Variants in VPS13B observed in about 807,000 individuals in gnomAD.
VPS13B encodes intermembrane lipid transfer protein VPS13B.
In VPS13B, 285 loss-of-function variants were observed where a neutral mutation model predicts 426.4. That is an observed-to-expected ratio of 0.67 (90% CI 0.61 to 0.74). The LOEUF is 0.74. Among genes scored for constraint, VPS13B ranks in the 30% least tolerant of loss-of-function variants. VPS13B has a pLI of 0.00. For missense variants in VPS13B, 4,537 were observed against 4,782.6 expected, an observed-to-expected ratio of 0.95 and a Z score of 1.51; for synonymous variants, 1,676 against 1,676.4, an observed-to-expected ratio of 1.00 and a Z score of 0.01.
At chr8:99,163,767 C>T (rs900391115) in intron 15 of VPS13B, among the ~76,000 whole-genome samples, 7 of 144,786 alleles carry the variant, frequency 4.8e-5, no homozygotes, top group Admixed American at 1.5e-4. Flanking sequence ...CCCCGGTTCC[C>T]GCTCGCGCCT....
At chr8:99,428,741 G>T (rs1340594060) in intron 21 of VPS13B, among the ~76,000 whole-genome samples, 2 of 152,166 alleles carry the variant, frequency 1.3e-5, no homozygotes, top group Non-Finnish European at 2.9e-5. Context: ...CAGGGATCAA[G>T]AACTAGAAAT....
chr8:99,246,019 T>A (rs1041934096), intron 17 of VPS13B, among the ~76,000 whole-genome samples: 1 of 152,246 alleles, frequency 6.6e-6, no homozygotes, highest in African/African-American at 2.4e-5. Context: ...TATTTTACTG[T>A]TTTTTGTTTT....
intron 31 of VPS13B, among the ~76,000 whole-genome samples, chr8:99,557,330 A>C (rs1824639164): frequency 6.6e-6 from 1 of 150,780 alleles, no homozygotes; most frequent in African/African-American, 2.4e-5. Flanking sequence ...AAAGTCCATT[A>C]TATCATTCTT....
chr8:99,727,749 G>T (rs1032782388), intron 39 of VPS13B, among the ~76,000 whole-genome samples: 9 of 152,162 alleles, frequency 5.9e-5, no homozygotes, highest in African/African-American at 1.9e-4. Context: ...GAGCCAAACA[G>T]TATCAGGTTT....
intron 17 of VPS13B, among the ~76,000 whole-genome samples, chr8:99,269,452 A>C (rs2132977631): frequency 6.6e-6 from 1 of 152,278 alleles, no homozygotes; most frequent in South Asian, 2.1e-4. Flanking sequence ...CTTTCTTTAC[A>C]TCCTACAAAA....
chr8:99,341,486 A>G, intron 19 of VPS13B: 1 of 154,896 alleles, frequency 6.5e-6, no homozygotes. Flanking sequence ...TGCTTATTGA[A>G]TTTTCAGCAT....
chr8:99,491,532 CTA>C (rs1410295313), intron 25 of VPS13B, among the ~76,000 whole-genome samples: 1 of 152,156 alleles, frequency 6.6e-6, no homozygotes, highest in East Asian at 1.9e-4. Context: ...TCACATAGTC[CTA>C]TATTTCTTGG....
At chr8:99,663,671 CTG>C (rs1478920555) in intron 35 of VPS13B, among the ~76,000 whole-genome samples, 8 of 152,138 alleles carry the variant, frequency 5.3e-5, no homozygotes, top group Non-Finnish European at 8.8e-5. Context: ...ACATGAAAGA[CTG>C]AACACAATAG....
intron 16 of VPS13B, among the ~76,000 whole-genome samples, chr8:99,173,338 A>G (rs920406653): frequency 6.6e-6 from 1 of 152,156 alleles, no homozygotes; most frequent in African/African-American, 2.4e-5. Context: ...CATTTGCCCC[A>G]GCTCAGAGTG....
At chr8:99,564,413 G>A (rs7832109) in intron 31 of VPS13B, among the ~76,000 whole-genome samples, 26,502 of 152,142 alleles carry the variant, frequency 0.17, 2,827 homozygotes, top group East Asian at 0.38. Context: ...GAAACATCCG[G>A]CAGCACATCC....
At chr8:99,865,075 G>A (rs1008000753) in intron 58 of VPS13B, among the ~76,000 whole-genome samples, 2 of 152,114 alleles carry the variant, frequency 1.3e-5, no homozygotes, top group African/African-American at 4.8e-5. Flanking sequence ...AGGTCAGCAG[G>A]GAAAAGTGTC....
At position 99,589,474 on chromosome 8, in the gene VPS13B, C is replaced by T. The variant is rs1021604006; in HGVS notation, c.5220+11841C>T. On this transcript the variant is annotated intron_variant, in intron 33 of 61. Transcript: ENST00000357162. ...TGCGGTGTTTGGTTTTTTGTCCTTG[C>T]GATAGTTTTCTGAGAATGATGGTTT... is the stretch of plus-strand genomic sequence containing the variant. 5.9e-5 allele frequency among the ~76,000 whole-genome samples: 9 copies of T among 151,634 alleles called. No homozygotes were observed. The East Asian group carries it at 1.2e-3, about 20-fold the overall frequency.
chr8:99,268,813 G>A (rs1355500799), intron 17 of VPS13B, among the ~76,000 whole-genome samples: 1 of 152,102 alleles, frequency 6.6e-6, no homozygotes, highest in Admixed American at 6.6e-5. Context: ...GGCCAGGGTA[G>A]AAGGATATGG....
chr8:99,540,378 C>T (rs995309656), intron 30 of VPS13B, among the ~76,000 whole-genome samples: 1 of 151,710 alleles, frequency 6.6e-6, no homozygotes, highest in African/African-American at 2.4e-5. Context: ...CTGCGCCCGG[C>T]CTAAGCATTT....
chr8:99,578,276 T>G (rs187394328), intron 33 of VPS13B, among the ~76,000 whole-genome samples: 11 of 152,226 alleles, frequency 7.2e-5, no homozygotes, highest in Admixed American at 2.6e-4. Context: ...TTATAAAAAC[T>G]CAGGTGAACA....
At chr8:99,298,366 T>A (rs1820160419) in intron 19 of VPS13B, among the ~76,000 whole-genome samples, 1 of 152,076 alleles carries the variant, frequency 6.6e-6, no homozygotes. Context: ...CACATGCCTG[T>A]AATCCCAGCT....
At chr8:99,269,347 A>AT (rs1818458747) in intron 17 of VPS13B, among the ~76,000 whole-genome samples, 1 of 152,206 alleles carries the variant, frequency 6.6e-6, no homozygotes, top group Admixed American at 6.5e-5. Context: ...TGACAACAGG[A>AT]TTTGAGTAAA....
chr8:99,143,689 A>G (rs1456253442), intron 13 of VPS13B, among the ~76,000 whole-genome samples: 1 of 152,196 alleles, frequency 6.6e-6, no homozygotes, highest in Non-Finnish European at 1.5e-5. Context: ...AGTATAAGAT[A>G]ATGAAGAACT....
chr8:99,507,978 G>A, intron 28 of VPS13B: 2 of 1,602,810 alleles, frequency 1.2e-6, no homozygotes, highest in Non-Finnish European at 1.7e-6. Context: ...GGAATTGAAT[G>A]ATTCATAGAG....
Sources: allele counts gnomAD v4.1 joint callset (sites outside exome capture counted in the v4.1 genomes callset), GRCh38; gene constraint gnomAD v4.1.1; transcripts MANE v1.5; gene names NCBI Gene and HGNC (gene_info 2026-07-23, HGNC 2026-07-21).